SLC4A4: variants seen among roughly 807,000 people sequenced by gnomAD.
The protein encoded by SLC4A4 is solute carrier family 4 member 4.
SLC4A4 carries 27 observed loss-of-function variants against 111.5 expected under a neutral mutation model. The ratio of observed to expected loss-of-function variants is 0.24; its 90% CI spans 0.18 to 0.33. SLC4A4 has a LOEUF of 0.33. Among genes scored for constraint, SLC4A4 ranks in the 10% least tolerant of loss-of-function variants. The probability of loss-of-function intolerance (pLI) is 1.00; values close to 1 mark genes in which losing one functional copy is unlikely to be tolerated. For missense variants in SLC4A4, 909 were observed against 1,315.5 expected, an observed-to-expected ratio of 0.69 and a Z score of 4.78; for synonymous variants, 443 against 463.4, an observed-to-expected ratio of 0.96 and a Z score of 0.57.
chr4:71,342,183 A>G (rs937513879), intron 4 of SLC4A4, among the ~76,000 whole-genome samples: 1 of 152,238 alleles, frequency 6.6e-6, no homozygotes, highest in Non-Finnish European at 1.5e-5. Flanking sequence ...CTCCCAGGAT[A>G]CATCAACTGT....
In SLC4A4 at chr4:71,308,603, A is replaced by C. The variant is rs1327923532; in HGVS notation, c.254-30767A>C. Among the ~76,000 whole-genome samples the C allele has an allele frequency of 2.0e-5, 3 of 152,152 alleles. No homozygotes were observed. In the East Asian group the frequency reaches 5.8e-4, roughly 29 times the overall value. ...CAGAAGCAGAGGGGGTTGTCGCCTC[A>C]CCCAGGAAGTGCAAGGGGCCGGGGG... On this transcript the variant is annotated intron_variant, in intron 3 of 25. Transcript: ENST00000264485.
chr4:71,139,872 G>A lies in SLC4A4; in HGVS notation c.-2+47080G>A, dbSNP rs554552982. On this transcript the variant is annotated intron_variant, in intron 2 of 26. Coordinates refer to the SLC4A4 transcript ENST00000649996. ...GGAATATTTCAAATTCTCTCTTCTA[G>A]CTATTTTGAAATATGCAATACATTG... is the stretch of plus-strand genomic sequence containing the variant. Among the ~76,000 whole-genome samples the A allele has an allele frequency of 6.6e-5, 10 of 152,160 alleles. No individual in the cohort carries two copies. In the East Asian group the frequency reaches 1.9e-3, roughly 29 times the overall value.
intron 2 of SLC4A4, among the ~76,000 whole-genome samples, chr4:71,110,948 C>T (rs1174044024): frequency 6.6e-6 from 1 of 152,082 alleles, no homozygotes; most frequent in Non-Finnish European, 1.5e-5. Context: ...AAAATCAGGT[C>T]CTTTTACTCT....
intron 1 of SLC4A4, among the ~76,000 whole-genome samples, chr4:71,206,125 C>G (rs1560779025): frequency 1.3e-5 from 2 of 152,044 alleles, no homozygotes; most frequent in Non-Finnish European, 2.9e-5. Context: ...AGTTTGTATA[C>G]TAATTTAATC....
Position 71,151,315 on chromosome 4 carries a change from T to C in SLC4A4, c.-2+58523T>C, listed in dbSNP as rs1578527554. ...ACTCATTTTAATGACATATAGACTA[T>C]ATCAACGGTAGGTTTTGCCCTACTT... On this transcript the variant is annotated intron_variant, in intron 2 of 26. Transcript: ENST00000649996. 2.6e-5 allele frequency among the ~76,000 whole-genome samples: 4 copies of C among 152,278 alleles called. No individual in the cohort carries two copies. In the South Asian group the frequency reaches 8.3e-4, roughly 32 times the overall value.
intron 2 of SLC4A4, among the ~76,000 whole-genome samples, chr4:71,092,916 GAAACCCCATCTC>G (rs1228393417): frequency 1.1e-4 from 17 of 152,012 alleles, no homozygotes; most frequent in Non-Finnish European, 1.9e-4. Context: ...CCAACATGGT[GAAACCCCATCTC>G]TACTAAAAAT....
intron 2 of SLC4A4, among the ~76,000 whole-genome samples, chr4:71,171,582 C>A (rs1446233226): frequency 6.6e-6 from 1 of 152,198 alleles, no homozygotes; most frequent in Non-Finnish European, 1.5e-5. Context: ...TTGAATGCAG[C>A]ATTGAATTCA....
intron 9 of SLC4A4, among the ~76,000 whole-genome samples, 156 bp downstream of exon 9, chr4:71,447,889 A>G (rs183095065): frequency 4.6e-5 from 7 of 152,382 alleles, no homozygotes; most frequent in African/African-American, 4.8e-5. Context: ...GCTGAATCCT[A>G]TATGGTTTGC....
chr4:71,252,827 C>T lies in SLC4A4; in HGVS notation c.74-2393C>T, dbSNP rs559867185. Among the ~76,000 whole-genome samples, 8 of 152,232 alleles carry T rather than the reference C, an allele frequency of 5.3e-5. No individual in the cohort carries two copies. In the East Asian group the frequency reaches 1.3e-3, roughly 26 times the overall value. On this transcript the variant is annotated intron_variant, in intron 2 of 25. Transcript: ENST00000264485. ...TGTTCTAAAATTGGATTATGATGAT[C>T]GTTGCACAACTCTGTAAATATACTA... is the stretch of plus-strand genomic sequence containing the variant.
intron 16 of SLC4A4, among the ~76,000 whole-genome samples, chr4:71,531,837 C>A (rs529930686): frequency 1.4e-5 from 2 of 147,482 alleles, no homozygotes; most frequent in African/African-American, 2.6e-5. Context: ...AAAGAGCGAG[C>A]GCAACCTGTT....
chr4:71,450,566 T>A (rs1015718803), intron 10 of SLC4A4, 23 bp downstream of exon 10: 2 of 1,608,822 alleles, frequency 1.2e-6, no homozygotes, highest in Non-Finnish European at 1.7e-6. Context: ...CAGTTGATAA[T>A]TTTCAGTAGC....
At chr4:71,402,494 G>C (rs1008052217) in intron 7 of SLC4A4, among the ~76,000 whole-genome samples, 4 of 152,178 alleles carry the variant, frequency 2.6e-5, no homozygotes, top group African/African-American at 9.7e-5. Flanking sequence ...AATGTGGGTG[G>C]TCTTACTTCA....
chr4:71,336,547 C>A (rs552411176), intron 3 of SLC4A4, among the ~76,000 whole-genome samples: 2 of 152,262 alleles, frequency 1.3e-5, no homozygotes, highest in South Asian at 4.1e-4. Context: ...TGCTTGCCTT[C>A]TTCCTGTTGT....
At chr4:71,200,659 C>T (rs986777648) in intron 1 of SLC4A4, among the ~76,000 whole-genome samples, 1 of 152,126 alleles carries the variant, frequency 6.6e-6, no homozygotes. Context: ...CATTGGCCAT[C>T]AGCAAAGGGG....
intron 3 of SLC4A4, among the ~76,000 whole-genome samples, chr4:71,255,767 A>G (rs1276351320): frequency 1.3e-5 from 2 of 152,194 alleles, no homozygotes; most frequent in Non-Finnish European, 2.9e-5. Context: ...GGTTCTGTTG[A>G]GACAGCAGGT....
chr4:71,317,128 G>A (rs529314609), intron 3 of SLC4A4, among the ~76,000 whole-genome samples: 3 of 150,290 alleles, frequency 2.0e-5, no homozygotes, highest in South Asian at 2.1e-4. Context: ...GATTTTATTC[G>A]TATTTTTCTA....
chr4:71,508,994 G>GA (rs1228306564), intron 16 of SLC4A4, among the ~76,000 whole-genome samples: 10 of 151,998 alleles, frequency 6.6e-5, no homozygotes, highest in Non-Finnish European at 1.5e-4. Context: ...CAGAACTAAG[G>GA]AAAAAACCAT....
chr4:71,223,178 CTT>C (rs1178320255), intron 1 of SLC4A4, among the ~76,000 whole-genome samples: 2 of 144,730 alleles, frequency 1.4e-5, no homozygotes, highest in Non-Finnish European at 1.5e-5. Flanking sequence ...CACTGATACT[CTT>C]TTTTTTTTTT....
chr4:71,113,401 T>C (rs1030951460), intron 2 of SLC4A4, among the ~76,000 whole-genome samples: 6 of 152,298 alleles, frequency 3.9e-5, no homozygotes, highest in East Asian at 3.9e-4. Context: ...CTGTCACTTA[T>C]GGTATAGCAG....
Sources: gnomAD v4.1 joint callset for allele counts (sites outside exome capture counted in the v4.1 genomes callset) on GRCh38, gnomAD v4.1.1 for gene constraint, MANE v1.5 for transcripts, NCBI Gene and HGNC (gene_info 2026-07-23, HGNC 2026-07-21) for gene names.